Variants in DAB1 observed in about 807,000 individuals in gnomAD.
DAB1 encodes disabled homolog 1.
DAB1 carries 15 observed loss-of-function variants against 64.6 expected under a neutral mutation model. The observed-to-expected ratio is 0.23, with a 90% CI of 0.16 to 0.36. The LOEUF (loss-of-function observed/expected upper bound fraction) is 0.36, where lower values mean the gene tolerates loss of function less well. DAB1 is among the 10% of genes least tolerant of loss of function. DAB1 has a pLI of 1.00. For synonymous variants in DAB1, 235 were observed against 251.9 expected (o/e 0.93, Z 0.64); for missense variants, 596 against 706.7 (o/e 0.84, Z 1.78).
intron 1 of DAB1, among the ~76,000 whole-genome samples, chr1:57,830,999 C>T (rs751875327): frequency 4.6e-5 from 7 of 151,992 alleles, no homozygotes; most frequent in Admixed American, 3.9e-4. Context: ...CTGCAAGCTC[C>T]GCCTCCTGGG....
At chr1:57,439,424 T>TGTTTG (rs1558381326) in intron 7 of DAB1, among the ~76,000 whole-genome samples, 1 of 117,110 alleles carries the variant, frequency 8.5e-6, no homozygotes, top group African/African-American at 4.0e-5. Flanking sequence ...TGAGGTTTTT[T>TGTTTG]CTTTTTTTTT....
intron 6 of DAB1, among the ~76,000 whole-genome samples, chr1:57,817,825 T>C (rs1651938944): frequency 6.6e-6 from 1 of 152,142 alleles, no homozygotes; most frequent in Admixed American, 6.5e-5. Flanking sequence ...AGGACAGAGC[T>C]CATATTCCAA....
intron 3 of DAB1, among the ~76,000 whole-genome samples, chr1:58,453,029 T>C (rs567399483): frequency 3.3e-5 from 5 of 152,310 alleles, no homozygotes; most frequent in African/African-American, 7.2e-5. Context: ...GATAAACACA[T>C]TGCAGTTTAT....
intron 9 of DAB1, among the ~76,000 whole-genome samples, chr1:57,029,984 T>A (rs753075749): frequency 6.6e-6 from 1 of 152,146 alleles, no homozygotes; most frequent in Non-Finnish European, 1.5e-5. Flanking sequence ...TGTGAGGACA[T>A]GAGATTTGGA....
chr1:57,553,115 T>C (rs1644933603), intron 7 of DAB1, among the ~76,000 whole-genome samples: 1 of 151,536 alleles, frequency 6.6e-6, no homozygotes, highest in African/African-American at 2.4e-5. Flanking sequence ...AGGGAGTAAA[T>C]GGTCAAGGTT....
At chr1:58,502,836 T>C (rs533149222) in intron 3 of DAB1, among the ~76,000 whole-genome samples, 2 of 152,336 alleles carry the variant, frequency 1.3e-5, no homozygotes, top group Admixed American at 6.5e-5. Context: ...TACTTTCAAA[T>C]TGAATTTAAT....
chr1:57,493,034 C>T (rs1233064836), intron 7 of DAB1, among the ~76,000 whole-genome samples: 1 of 152,128 alleles, frequency 6.6e-6, no homozygotes, highest in African/African-American at 2.4e-5. Context: ...CGTGATTCCA[C>T]TCTCAGAGCA....
intron 4 of DAB1, among the ~76,000 whole-genome samples, chr1:58,180,237 C>T (rs1211030532): frequency 6.9e-6 from 1 of 145,870 alleles, no homozygotes; most frequent in Non-Finnish European, 1.5e-5. Flanking sequence ...AGTGGAAACA[C>T]AGGTCAATGG....
chr1:57,424,381 G>A (rs1318276977), upstream of DAB1, among the ~76,000 whole-genome samples: 1 of 151,740 alleles, frequency 6.6e-6, no homozygotes, highest in Non-Finnish European at 1.5e-5. Context: ...GCTTGCAGTC[G>A]CGCCTCTGGA....
At chr1:57,499,124 C>T (rs1434289125) in intron 7 of DAB1, among the ~76,000 whole-genome samples, 1 of 152,090 alleles carries the variant, frequency 6.6e-6, no homozygotes, top group African/African-American at 2.4e-5. Context: ...TACAGATGCA[C>T]ACCACCACGC....
At chr1:57,842,318 A>G (rs1653089758) in intron 1 of DAB1, among the ~76,000 whole-genome samples, 1 of 152,164 alleles carries the variant, frequency 6.6e-6, no homozygotes, top group Non-Finnish European at 1.5e-5. Flanking sequence ...CCAATCAACG[A>G]GTCTCTAGGA....
intron 4 of DAB1, among the ~76,000 whole-genome samples, chr1:58,336,044 C>T (rs866863470): frequency 2.0e-5 from 3 of 152,178 alleles, no homozygotes; most frequent in Non-Finnish European, 4.4e-5. Context: ...GAATAAACCA[C>T]CCCCCAAGAG....
At chr1:58,288,041 A>G (rs11207190) in intron 4 of DAB1, among the ~76,000 whole-genome samples, 15,571 of 145,800 alleles carry the variant, frequency 0.11, 1,260 homozygotes, top group Admixed American at 0.16. Context: ...AAAAAAAAAA[A>G]AAAAGAAAAA....
At chr1:57,800,249 G>T (rs1413563839) in intron 6 of DAB1, among the ~76,000 whole-genome samples, 1 of 152,112 alleles carries the variant, frequency 6.6e-6, no homozygotes, top group Non-Finnish European at 1.5e-5. Context: ...ACATGGTGGG[G>T]AATGGGAGAA....
chr1:57,684,034 T>C (rs1646666516), intron 6 of DAB1, among the ~76,000 whole-genome samples: 2 of 152,020 alleles, frequency 1.3e-5, no homozygotes, highest in Admixed American at 1.3e-4. Context: ...GCTTAAAGAC[T>C]GGTTATTTGA....
intron 7 of DAB1, among the ~76,000 whole-genome samples, chr1:57,607,542 A>G (rs1370006856): frequency 6.6e-6 from 1 of 152,156 alleles, no homozygotes; most frequent in Non-Finnish European, 1.5e-5. Flanking sequence ...TTTGCATCCT[A>G]TACAAAAGCC....
At chr1:58,518,349 A>AGAAGAGAAGG (rs1646204912) in intron 2 of DAB1, among the ~76,000 whole-genome samples, 13 of 59,726 alleles carry the variant, frequency 2.2e-4, no homozygotes, top group African/African-American at 7.8e-4. Context: ...AGAAGAGAAG[A>AGAAGAGAAGG]GAAGGGAAGG....
At chr1:58,203,836 T>G (rs933457912) in intron 4 of DAB1, among the ~76,000 whole-genome samples, 1 of 152,220 alleles carries the variant, frequency 6.6e-6, no homozygotes, top group African/African-American at 2.4e-5. Context: ...TAGAGCTTTT[T>G]AAATGCAGGC....
At chr1:58,342,431 CTAA>C (rs1366399755) in intron 4 of DAB1, among the ~76,000 whole-genome samples, 1 of 152,162 alleles carries the variant, frequency 6.6e-6, no homozygotes, top group East Asian at 1.9e-4. Flanking sequence ...CAGCAACATC[CTAA>C]TGAGAATGTG....
Sources: gnomAD v4.1 joint callset for allele counts (sites outside exome capture counted in the v4.1 genomes callset) on GRCh38, gnomAD v4.1.1 for gene constraint, MANE v1.5 for transcripts, NCBI Gene and HGNC (gene_info 2026-07-23, HGNC 2026-07-21) for gene names.